The following LCLAT1 variants were observed in gnomAD, a reference collection of about 807,000 sequenced individuals.
LCLAT1 encodes the protein 1-AGP acyltransferase 8.
Under a neutral mutation model 30.7 loss-of-function variants are expected in LCLAT1, and 11 were observed. The observed-to-expected ratio is 0.36, with a 90% CI of 0.23 to 0.59. LCLAT1 has a LOEUF of 0.59. Among genes scored for constraint, LCLAT1 ranks in the 20% least tolerant of loss-of-function variants. The probability of loss-of-function intolerance (pLI) is 0.77; values close to 1 mark genes in which losing one functional copy is unlikely to be tolerated. For missense variants in LCLAT1, 402 were observed against 458.6 expected, an observed-to-expected ratio of 0.88 and a Z score of 1.13; for synonymous variants, 155 against 151.3, an observed-to-expected ratio of 1.02 and a Z score of -0.18.
At chr2:30,539,613 A>G (rs1344328162) in intron 3 of LCLAT1, among the ~76,000 whole-genome samples, 1 of 152,204 alleles carries the variant, frequency 6.6e-6, no homozygotes, top group African/African-American at 2.4e-5. Flanking sequence ...GGATCATGCT[A>G]AAGTAAATTG....
chr2:30,568,029 A>C, intron 4 of LCLAT1, 31 bp from the exon 5 acceptor site: 1 of 1,144,314 alleles, frequency 8.7e-7, no homozygotes, highest in Non-Finnish European at 1.3e-6. Flanking sequence ...CCTTTAGTTT[A>C]TGATTTATAA....
In LCLAT1 at chr2:30,608,020, T is replaced by C. The variant is rs188190216; in HGVS notation, c.629-32097T>C. 2.3e-3 allele frequency among the ~76,000 whole-genome samples: 355 copies of C among 152,130 alleles called. 2 individuals are homozygous for C. The highest frequency in any genetic ancestry group is 8.1e-3 in the African/African-American group (337 of 41,536). Reference sequence around the variant, plus strand: ...GGTTTGTGTTTTAAGCGAAGTGTTATAAAAGAGTCAAGTTTTAAACATTTA... The same window carrying C: ...GGTTTGTGTTTTAAGCGAAGTGTTACAAAAGAGTCAAGTTTTAAACATTTA... On this transcript the variant is annotated intron_variant, in intron 5 of 5. Transcript: ENST00000379509.
At chr2:30,491,282 A>T (rs1683822744) in intron 1 of LCLAT1, among the ~76,000 whole-genome samples, 1 of 152,238 alleles carries the variant, frequency 6.6e-6, no homozygotes, top group South Asian at 2.1e-4. Flanking sequence ...CATTAGTGCC[A>T]TGTGTAATTC....
intron 1 of LCLAT1, among the ~76,000 whole-genome samples, chr2:30,519,901 C>T (rs1685390738): frequency 6.6e-6 from 1 of 152,202 alleles, no homozygotes; most frequent in East Asian, 1.9e-4. Context: ...CTGAATGCCA[C>T]CTTCTCAGAC....
chr2:30,465,288 A>T (rs1572479903), intron 1 of LCLAT1, among the ~76,000 whole-genome samples: 1 of 152,122 alleles, frequency 6.6e-6, no homozygotes, highest in Admixed American at 6.5e-5. Context: ...TAGAGATTTG[A>T]GTGTTAACGG....
At chr2:30,549,225 C>T (rs971281200) in intron 3 of LCLAT1, among the ~76,000 whole-genome samples, 1 of 152,156 alleles carries the variant, frequency 6.6e-6, no homozygotes, top group African/African-American at 2.4e-5. Context: ...TCTAATCAAT[C>T]ACTTACTGAC....
intron 3 of LCLAT1, among the ~76,000 whole-genome samples, chr2:30,543,572 T>A (rs1486856501): frequency 1.3e-5 from 2 of 152,146 alleles, no homozygotes; most frequent in Non-Finnish European, 2.9e-5. Flanking sequence ...TTTTTTTTAG[T>A]GGGTGTCTTT....
chr2:30,474,113 T>G (rs1022598671), intron 1 of LCLAT1, among the ~76,000 whole-genome samples: 4 of 152,224 alleles, frequency 2.6e-5, no homozygotes, highest in African/African-American at 9.7e-5. Context: ...TATACCTGTT[T>G]CAATGGAAAA....
chr2:30,492,548 T>A (rs1196524272), intron 1 of LCLAT1, among the ~76,000 whole-genome samples: 1 of 149,086 alleles, frequency 6.7e-6, no homozygotes, highest in Non-Finnish European at 1.5e-5. Flanking sequence ...GAGTTTGGAC[T>A]CTAAGAAGTT....
intron 1 of LCLAT1, among the ~76,000 whole-genome samples, chr2:30,513,362 G>GA (rs1216763271): frequency 1.3e-5 from 2 of 151,834 alleles, no homozygotes; most frequent in Non-Finnish European, 2.9e-5. Flanking sequence ...TCATTTTCCT[G>GA]CATTTTTGGA....
At chr2:30,516,950 A>G (rs1282164183) in intron 1 of LCLAT1, among the ~76,000 whole-genome samples, 2 of 152,092 alleles carry the variant, frequency 1.3e-5, no homozygotes, top group African/African-American at 2.4e-5. Context: ...CGCTTTTACA[A>G]TTTTCCTGGG....
rs773893072 is a variant in LCLAT1, at chr2:30,562,258, A to G, written c.477A>G (p.Gln159=). ...DYFCDIHEPL[Q]LLIFPEGTDL... ...TTTGTGATATTCACGAACCACTTCA[A>G]CTCCTCATATTCCCAGAAGGGACTG... Residue 159 remains glutamine, a synonymous_variant, in exon 4 of 6, where the codon CAA becomes CAG. Coordinates refer to ENST00000379509, the MANE Select transcript of LCLAT1 (RefSeq NM_001002257.3). The G allele has an allele frequency of 1.9e-6, 3 of 1,611,906 alleles. No individual in the cohort carries two copies. Among genetic ancestry groups the G allele is most frequent in the South Asian group, 1.1e-5 (1 of 90,790 alleles).
chr2:30,533,797 C>T (rs36072623), intron 3 of LCLAT1, among the ~76,000 whole-genome samples: 73,145 of 151,600 alleles, frequency 0.48, 18,914 homozygotes, highest in Non-Finnish European at 0.57. Context: ...GTTTTTATCG[C>T]GCTTGTATAA....
At chr2:30,607,870 TGTGTGTG>T (rs1667530807) in intron 5 of LCLAT1, 1 of 82,300 alleles carries the variant, frequency 1.2e-5, no homozygotes. Flanking sequence ...TGTGTGTGTG[TGTGTGTG>T]TGTGTGTGTG....
intron 3 of LCLAT1, among the ~76,000 whole-genome samples, chr2:30,549,329 T>C (rs1038889761): frequency 1.5e-4 from 23 of 152,204 alleles, no homozygotes; most frequent in Admixed American, 6.5e-5. Flanking sequence ...CTGCTAGATA[T>C]CCCAGATGTG....
At chr2:30,500,897 C>T (rs555145271) in intron 1 of LCLAT1, among the ~76,000 whole-genome samples, 35 of 152,038 alleles carry the variant, frequency 2.3e-4, no homozygotes, top group Non-Finnish European at 4.3e-4. Flanking sequence ...TTTCAGGATA[C>T]CAACCATCAG....
chr2:30,526,158 T>C (rs1685708788), intron 2 of LCLAT1, among the ~76,000 whole-genome samples: 1 of 152,064 alleles, frequency 6.6e-6, no homozygotes, highest in Non-Finnish European at 1.5e-5. Flanking sequence ...TTGGTTTTTA[T>C]ATTTTTTTAA....
rs1460183590 is a variant in LCLAT1 at position 30,447,247 on chromosome 2, C to T, written c.-141C>T. On this transcript the variant is annotated 5_prime_UTR_variant, in exon 1 of 6. Transcript: ENST00000379509. Reference sequence around the variant, plus strand: ...GGACGTAGCCTTCCGGGACGCATTACTAGGGCGACGGCCGGACGCCTCCGC... The same window carrying T: ...GGACGTAGCCTTCCGGGACGCATTATTAGGGCGACGGCCGGACGCCTCCGC... The T allele has an allele frequency of 1.3e-5, 2 of 152,042 alleles. No homozygotes were observed. The highest frequency in any genetic ancestry group is 3.9e-4 in the East Asian group (2 of 5,126). 9.4% of individuals were successfully genotyped at this position (152,042 alleles called of 1,614,324 possible).
At chr2:30,567,407 G>A (rs7606200) in intron 4 of LCLAT1, among the ~76,000 whole-genome samples, 129,087 of 152,090 alleles carry the variant, frequency 0.85, 54,925 homozygotes, top group East Asian at 0.94. Flanking sequence ...TAGCCTCGAA[G>A]TGTACTTTGA....
Sources: allele counts gnomAD v4.1 joint callset (sites outside exome capture counted in the v4.1 genomes callset), GRCh38; gene constraint gnomAD v4.1.1; transcripts MANE v1.5; gene names NCBI Gene and HGNC (gene_info 2026-07-23, HGNC 2026-07-21).